TSHR: variants seen among roughly 807,000 people sequenced by gnomAD.
TSHR encodes the protein thyrotropin receptor.
A neutral mutation model predicts 64.1 loss-of-function variants in TSHR; 51 were observed. The observed-to-expected ratio is 0.80, with a 90% CI of 0.64 to 1.01. TSHR has a LOEUF of 1.01. Among genes scored for constraint, TSHR ranks in the 50% least tolerant of loss-of-function variants. The pLI is 0.00. For missense variants in TSHR, 877 were observed against 942.8 expected, an observed-to-expected ratio of 0.93 and a Z score of 0.91; for synonymous variants, 361 against 361.9, an observed-to-expected ratio of 1.00 and a Z score of 0.03.
intron 5 of TSHR, among the ~76,000 whole-genome samples, chr14:81,091,488 A>C (rs967591926): frequency 6.6e-6 from 1 of 152,204 alleles, no homozygotes; most frequent in African/African-American, 2.4e-5. Flanking sequence ...CAGTAATTGC[A>C]AGATATTGAG....
intron 1 of TSHR, among the ~76,000 whole-genome samples, chr14:80,997,052 T>C (rs990891950): frequency 1.3e-5 from 2 of 152,172 alleles, no homozygotes; most frequent in African/African-American, 4.8e-5. Context: ...GACTTCTGTT[T>C]TCTCTACTTA....
intron 1 of TSHR, among the ~76,000 whole-genome samples, chr14:80,956,959 C>A (rs1213639273): frequency 1.3e-5 from 2 of 152,110 alleles, no homozygotes; most frequent in Non-Finnish European, 2.9e-5. Context: ...TTGATTACAC[C>A]TCTACATAGG....
At chr14:81,049,368 G>A (rs907743243) in intron 1 of TSHR, 1 of 152,160 alleles carries the variant, frequency 6.6e-6, no homozygotes, top group African/African-American at 2.4e-5. Flanking sequence ...CTATGGTTAT[G>A]TAGTTTCAGA....
At position 81,076,963 on chromosome 14, in the gene TSHR, C is replaced by T. The variant is rs74064836; in HGVS notation, c.317+8635C>T. Among the ~76,000 whole-genome samples, 488 of 152,248 alleles carry T rather than the reference C, an allele frequency of 3.2e-3. 3 individuals are homozygous for T. Among genetic ancestry groups the T allele is most frequent in the African/African-American group, 0.011 (453 of 41,546 alleles). ...CACCTGTGTTCTTTGGTTTTTTGAA[C>T]AGTCCAATATCTTTCTCACCTCAGG... On this transcript the variant is annotated intron_variant, in intron 3 of 9. Transcript: ENST00000298171.
At chr14:81,021,646 T>TG (rs1329744863) in intron 1 of TSHR, among the ~76,000 whole-genome samples, 2 of 152,230 alleles carry the variant, frequency 1.3e-5, no homozygotes, top group Non-Finnish European at 2.9e-5. Context: ...CAATGGACAT[T>TG]GTTTAATTGC....
At chr14:80,961,092 C>T (rs528121213) in intron 1 of TSHR, among the ~76,000 whole-genome samples, 5 of 152,348 alleles carry the variant, frequency 3.3e-5, no homozygotes, top group East Asian at 3.9e-4. Flanking sequence ...AAATAGGAGA[C>T]GCAGAACTGG....
chr14:81,117,658 C>T (rs1282200965), intron 8 of TSHR, among the ~76,000 whole-genome samples: 1 of 119,572 alleles, frequency 8.4e-6, no homozygotes, highest in Non-Finnish European at 1.7e-5. Context: ...AGAGGGAATC[C>T]TCCCTAACTC....
intron 7 of TSHR, among the ~76,000 whole-genome samples, chr14:81,098,549 A>G (rs981230667): frequency 2.0e-5 from 3 of 152,170 alleles, no homozygotes; most frequent in Admixed American, 6.5e-5. Flanking sequence ...CAAATTTTCT[A>G]TGAATGGAGT....
In TSHR at chr14:81,143,834, T is replaced by C; in HGVS notation, c.1776T>C (p.Val592=). The C allele has an allele frequency of 6.2e-7, 1 of 1,614,030 alleles. No individual in the cohort carries two copies. Among genetic ancestry groups the C allele is most frequent in the Non-Finnish European group, 8.5e-7 (1 of 1,180,030 alleles). Residue 592 remains valine, a synonymous_variant, in exon 10 of 10, where the codon GTT becomes GTC. Transcript: ENST00000298171. Reference sequence around the variant, plus strand: ...TTTTTGTTCTGACGCTCAACATAGTTGCCTTCGTCATCGTCTGCTGCTGTT... The same window carrying C: ...TTTTTGTTCTGACGCTCAACATAGTCGCCTTCGTCATCGTCTGCTGCTGTT... ...YIVFVLTLNI[V]AFVIVCCCYV... is the part of the protein sequence containing the mutation.
chr14:81,090,633 A>G (rs904523525), intron 4 of TSHR, among the ~76,000 whole-genome samples: 1 of 152,174 alleles, frequency 6.6e-6, no homozygotes, highest in African/African-American at 2.4e-5. Context: ...ACAGCATAAT[A>G]TCATGTAGAG....
At chr14:81,121,434 A>G (rs1890787289) in intron 8 of TSHR, among the ~76,000 whole-genome samples, 1 of 152,226 alleles carries the variant, frequency 6.6e-6, no homozygotes, top group South Asian at 2.1e-4. Context: ...TCTCACATGC[A>G]AAATCTCAAA....
At chr14:81,079,263 A>G (rs1340118822) in intron 3 of TSHR, among the ~76,000 whole-genome samples, 1 of 152,340 alleles carries the variant, frequency 6.6e-6, no homozygotes, top group East Asian at 1.9e-4. Flanking sequence ...AAGAAAGTCA[A>G]TAACATACAG....
At chr14:81,105,100 A>G in intron 7 of TSHR, 1 of 985,286 alleles carries the variant, frequency 1.0e-6, no homozygotes, top group Middle Eastern at 5.2e-4. Flanking sequence ...CTCCTCTCTA[A>G]AATAATCATT....
At chr14:81,047,131 C>G (rs1252734802) in intron 1 of TSHR, among the ~76,000 whole-genome samples, 1 of 151,946 alleles carries the variant, frequency 6.6e-6, no homozygotes, top group African/African-American at 2.4e-5. Flanking sequence ...AAGAAACAGG[C>G]ATAGTGGGTA....
At chr14:81,073,331 G>C (rs1322181086) in intron 3 of TSHR, among the ~76,000 whole-genome samples, 1 of 151,800 alleles carries the variant, frequency 6.6e-6, no homozygotes, top group Non-Finnish European at 1.5e-5. Flanking sequence ...TAAATATACT[G>C]ATAAAAAGTT....
intron 1 of TSHR, chr14:80,983,041 G>A (rs1232182401): frequency 7.3e-6 from 4 of 546,328 alleles, no homozygotes; most frequent in East Asian, 2.8e-5. Context: ...TATCCATAAC[G>A]TTCACCCATT....
In TSHR at chr14:80,982,553, A is replaced by C. The variant is rs557866522; in HGVS notation, c.170+26703A>C. The C allele has an allele frequency of 3.0e-4, 304 of 1,018,366 alleles. No individual in the cohort carries two copies. In the African/African-American group the frequency reaches 4.5e-3, roughly 15 times the overall value. The allele number at this position is 1,018,366 out of a possible 1,614,324, so 63.1% of individuals were successfully genotyped here. On this transcript the variant is annotated intron_variant, in intron 1 of 9. Transcript: ENST00000298171. Reference sequence around the variant, plus strand: ...GGAGATGATGCTAGTTTTGACCCTAATCCTCAATCTGTGAGTAGGATAGTT... The same window carrying C: ...GGAGATGATGCTAGTTTTGACCCTACTCCTCAATCTGTGAGTAGGATAGTT...
chr14:81,103,359 G>A lies in TSHR; in HGVS notation c.615-5016G>A, dbSNP rs1416117951. On this transcript the variant is annotated intron_variant, in intron 7 of 9. Transcript: ENST00000298171. This position sits in a 1 kb window ranked among gnomAD's most constrained non-coding sequence, Gnocchi z 4.1. ...GTAATTTCTCCAGAAGTTTGTCCAGGTATCATTAGGTTCTCATTTAAACAA... is the reference window on the plus strand; with the variant it reads ...GTAATTTCTCCAGAAGTTTGTCCAGATATCATTAGGTTCTCATTTAAACAA... 4.1e-6 allele frequency: 4 copies of A among 985,274 alleles called. No individual in the cohort carries two copies. The South Asian group carries it at 1.9e-4, about 46-fold the overall frequency. 61.0% of individuals were successfully genotyped at this position (985,274 alleles called of 1,614,324 possible). A position where few individuals can be genotyped will look rare whatever the true frequency, so the allele number is the denominator to read the frequency against.
At chr14:81,063,283 T>C (rs992517486) in intron 2 of TSHR, among the ~76,000 whole-genome samples, 3 of 152,180 alleles carry the variant, frequency 2.0e-5, no homozygotes, top group Non-Finnish European at 4.4e-5. Context: ...TGACTTCCTA[T>C]TTTATTTTTG....
Sources: allele counts gnomAD v4.1 joint callset (sites outside exome capture counted in the v4.1 genomes callset), GRCh38; gene constraint gnomAD v4.1.1; non-coding constraint Gnocchi (gnomAD v3.1); transcripts MANE v1.5; gene names NCBI Gene and HGNC (gene_info 2026-07-23, HGNC 2026-07-21).